BAIAP2L1: variants seen among roughly 807,000 people sequenced by gnomAD.
BAIAP2L1 encodes BAR/IMD domain-containing adapter protein 2-like 1.
In BAIAP2L1, 35 loss-of-function variants were observed where a neutral mutation model predicts 66.3. The ratio of observed to expected loss-of-function variants is 0.53; its 90% CI spans 0.40 to 0.70. The LOEUF (loss-of-function observed/expected upper bound fraction) is 0.70. Among genes scored for constraint, BAIAP2L1 ranks in the 30% least tolerant of loss-of-function variants. BAIAP2L1 has a pLI of 0.00. For synonymous variants in BAIAP2L1, 269 were observed against 248.7 expected, an observed-to-expected ratio of 1.08 and a Z score of -0.77; for missense variants, 622 against 656.9, an observed-to-expected ratio of 0.95 and a Z score of 0.58.
intron 1 of BAIAP2L1, among the ~76,000 whole-genome samples, chr7:98,393,001 A>T (rs1365928384): frequency 6.7e-6 from 1 of 149,190 alleles, no homozygotes; most frequent in African/African-American, 2.5e-5. Flanking sequence ...AATTTTTGTA[A>T]TTTTTGTGTA....
chr7:98,320,863 CTTTT>C (rs10608649), intron 3 of BAIAP2L1, among the ~76,000 whole-genome samples: 56,393 of 151,534 alleles, frequency 0.37, 12,082 homozygotes, highest in Middle Eastern at 0.54. Context: ...TCTGTTCTGT[CTTTT>C]GTTTTTTGAG....
chr7:98,329,301 A>G (rs1456072012), intron 3 of BAIAP2L1, among the ~76,000 whole-genome samples: 1 of 152,242 alleles, frequency 6.6e-6, no homozygotes, highest in Non-Finnish European at 1.5e-5. Flanking sequence ...GCTGACGCAG[A>G]GACTCACAGT....
chr7:98,332,157 T>TG (rs57256645), intron 3 of BAIAP2L1, among the ~76,000 whole-genome samples: 3,471 of 149,938 alleles, frequency 0.023, 133 homozygotes, highest in African/African-American at 0.08. Flanking sequence ...CTGAGGCGGG[T>TG]GGATCACTTG....
intron 11 of BAIAP2L1, among the ~76,000 whole-genome samples, chr7:98,306,216 G>A (rs1437804111): frequency 6.6e-6 from 1 of 152,150 alleles, no homozygotes; most frequent in East Asian, 1.9e-4. Context: ...CTGCAGGACT[G>A]CGAGGAGTAG....
intron 3 of BAIAP2L1, among the ~76,000 whole-genome samples, chr7:98,337,924 A>G (rs1303372546): frequency 6.6e-6 from 1 of 151,858 alleles, no homozygotes; most frequent in East Asian, 1.9e-4. Flanking sequence ...TCTCCAAACA[A>G]ACAAACAAAC....
intron 1 of BAIAP2L1, among the ~76,000 whole-genome samples, chr7:98,381,023 T>G (rs1413874295): frequency 6.6e-6 from 1 of 152,172 alleles, no homozygotes; most frequent in Non-Finnish European, 1.5e-5. Context: ...CCCAGACAGC[T>G]GGACACGCAC....
At chr7:98,367,538 T>TC (rs1044828530) in intron 1 of BAIAP2L1, among the ~76,000 whole-genome samples, 1 of 146,362 alleles carries the variant, frequency 6.8e-6, no homozygotes, top group Non-Finnish European at 1.5e-5. Context: ...ACCTGGCTTT[T>TC]TTTTTTTTTT....
chr7:98,304,052 G>GC, intron 12 of BAIAP2L1, 144 bp downstream of exon 12: 5 of 803,270 alleles, frequency 6.2e-6, no homozygotes, highest in Non-Finnish European at 7.3e-6. Context: ...ATCAAAGGCA[G>GC]CAAGTCCCCT....
intron 2 of BAIAP2L1, among the ~76,000 whole-genome samples, chr7:98,359,635 T>C (rs530600217): frequency 6.6e-6 from 1 of 151,840 alleles, no homozygotes; most frequent in East Asian, 1.9e-4. Context: ...GGCAGATAGC[T>C]CATCTCCTGC....
intron 1 of BAIAP2L1, among the ~76,000 whole-genome samples, chr7:98,381,597 A>C (rs1802760250): frequency 1.3e-5 from 2 of 152,192 alleles, no homozygotes; most frequent in South Asian, 4.1e-4. Context: ...CCAACCAAGC[A>C]ATTGGGACCA....
At chr7:98,322,630 G>A (rs139901650) in intron 3 of BAIAP2L1, among the ~76,000 whole-genome samples, 26 of 152,274 alleles carry the variant, frequency 1.7e-4, no homozygotes, top group Non-Finnish European at 3.5e-4. Flanking sequence ...CAGGTGATCT[G>A]TTCCACCAGA....
chr7:98,294,072 A>T lies in BAIAP2L1; in HGVS notation c.1460+2T>A. ...GAGGCTCACGTAGGAAGCCACGCCT[A>T]CCTGAGAAAAGGCGGCTTTGCAGTC... On this transcript the variant is annotated splice_donor_variant, in intron 13 of 13. Transcript: ENST00000005260. LOFTEE classifies it high-confidence loss of function. 6.2e-7 allele frequency: 1 copy of T among 1,614,038 alleles called. No individual in the cohort carries two copies. The highest frequency in any genetic ancestry group is 8.5e-7 in the Non-Finnish European group (1 of 1,179,844).
chr7:98,313,959 G>A lies in BAIAP2L1; in HGVS notation c.639+1501C>T, dbSNP rs1800976114. ...GTACTAATTTTAAATCTTATTTAGG[G>A]AGCTGAATACTCCTTTTTCTTCCTT... On this transcript the variant is annotated intron_variant, in intron 7 of 13. Coordinates refer to ENST00000005260, the MANE Select transcript of BAIAP2L1 (RefSeq NM_018842.5). Among the ~76,000 whole-genome samples, 3 of 149,148 alleles carry A rather than the reference G, an allele frequency of 2.0e-5. No individual in the cohort carries two copies. The South Asian group carries it at 6.4e-4, about 32-fold the overall frequency.
At chr7:98,310,838 A>G (rs1310392577) in intron 8 of BAIAP2L1, among the ~76,000 whole-genome samples, 1 of 152,064 alleles carries the variant, frequency 6.6e-6, no homozygotes, top group Non-Finnish European at 1.5e-5. Context: ...GGCACGCACT[A>G]CCACATCTGG....
intron 5 of BAIAP2L1, among the ~76,000 whole-genome samples, chr7:98,318,601 C>T (rs751068613): frequency 1.3e-5 from 2 of 151,856 alleles, no homozygotes; most frequent in Non-Finnish European, 2.9e-5. Context: ...TAAACGGACC[C>T]GCGTCAGAAT....
At chr7:98,393,469 C>A (rs989401658) in intron 1 of BAIAP2L1, among the ~76,000 whole-genome samples, 3 of 151,472 alleles carry the variant, frequency 2.0e-5, no homozygotes, top group African/African-American at 7.3e-5. Flanking sequence ...AATGAAAATA[C>A]CTTCCTTTTC....
rs1802003890 is a variant in BAIAP2L1, at chr7:98,351,653, A to G, written c.214+3389T>C. On this transcript the variant is annotated intron_variant, in intron 3 of 13. Transcript: ENST00000005260. ...GAAATGAGTATGAGGATGAGAAGAC[A>G]GAGAGAAGGAACCTGGGTCCCTAGT... Among the ~76,000 whole-genome samples the G allele has an allele frequency of 2.6e-5, 4 of 152,318 alleles. No homozygotes were observed. In the South Asian group the frequency reaches 8.3e-4, roughly 32 times the overall value.
intron 9 of BAIAP2L1, chr7:98,309,453 C>T (rs1275015965): frequency 1.3e-5 from 2 of 151,930 alleles, no homozygotes; most frequent in Non-Finnish European, 2.9e-5. Flanking sequence ...GCGCCCAATC[C>T]TCCACCAGCA....
At chr7:98,378,142 CTG>C (rs1166366903) in intron 1 of BAIAP2L1, among the ~76,000 whole-genome samples, 1 of 151,836 alleles carries the variant, frequency 6.6e-6, no homozygotes, top group South Asian at 2.1e-4. Flanking sequence ...GAGTAAGACT[CTG>C]TCTCTCAAAA....
Sources: allele counts gnomAD v4.1 joint callset (sites outside exome capture counted in the v4.1 genomes callset), GRCh38; gene constraint gnomAD v4.1.1; transcripts MANE v1.5; gene names NCBI Gene and HGNC (gene_info 2026-07-23, HGNC 2026-07-21).